The following ERC2 variants were observed in gnomAD, a reference collection of about 807,000 sequenced individuals.
The protein encoded by ERC2 is ELKS/RAB6-interacting/CAST family member 2.
In ERC2, 42 loss-of-function variants were observed where a neutral mutation model predicts 114.8. That is an observed-to-expected ratio of 0.37 (90% confidence interval 0.29 to 0.47). ERC2 has a LOEUF of 0.47. Among genes scored for constraint, ERC2 ranks in the 20% least tolerant of loss-of-function variants. The pLI, the probability that ERC2 is intolerant of heterozygous loss-of-function variation, is 0.99. For synonymous variants in ERC2, 454 were observed against 425.5 expected, an observed-to-expected ratio of 1.07 and a Z score of -0.82; for missense variants, 939 against 1,150.7, an observed-to-expected ratio of 0.82 and a Z score of 2.66.
chr3:55,809,408 T>C (rs1277316771), intron 14 of ERC2, among the ~76,000 whole-genome samples: 1 of 152,082 alleles, frequency 6.6e-6, no homozygotes, highest in Non-Finnish European at 1.5e-5. Context: ...CTAAAAAGCT[T>C]ATGCATAGCA....
At chr3:55,779,251 G>C (rs1032365425) in intron 14 of ERC2, among the ~76,000 whole-genome samples, 1 of 150,552 alleles carries the variant, frequency 6.6e-6, no homozygotes, top group Non-Finnish European at 1.5e-5. Flanking sequence ...GGAGGCCGAG[G>C]AGGGTGGATC....
chr3:56,309,186 A>G (rs1184407711), intron 2 of ERC2, among the ~76,000 whole-genome samples: 2 of 152,234 alleles, frequency 1.3e-5, no homozygotes, highest in Non-Finnish European at 2.9e-5. Context: ...TTTGGGGTAG[A>G]ATACCCCAAG....
chr3:56,024,039 C>A (rs2073897849), intron 7 of ERC2, among the ~76,000 whole-genome samples: 1 of 152,148 alleles, frequency 6.6e-6, no homozygotes, highest in Non-Finnish European at 1.5e-5. Flanking sequence ...TTCCAAAATT[C>A]ATTCACTAAT....
chr3:56,056,427 C>A (rs148000996), intron 7 of ERC2, among the ~76,000 whole-genome samples: 34 of 152,276 alleles, frequency 2.2e-4, no homozygotes, highest in Admixed American at 3.3e-4. Context: ...GGAAAAGTTA[C>A]AACTCAGTGG....
In ERC2 at chr3:55,778,574, C is replaced by T. The variant is rs926562917; in HGVS notation, c.2565-43656G>A. On this transcript the variant is annotated intron_variant, in intron 14 of 17. Transcript: ENST00000288221. Reference sequence around the variant, plus strand: ...TCTGTGTGGCAAAAAACAGCTACAACAGCAACTCCCTAAATGAGCAAAGCT... The same window carrying T: ...TCTGTGTGGCAAAAAACAGCTACAATAGCAACTCCCTAAATGAGCAAAGCT... 2.0e-5 allele frequency among the ~76,000 whole-genome samples: 3 copies of T among 152,150 alleles called. No homozygotes were observed. In the South Asian group the frequency reaches 6.2e-4, roughly 31 times the overall value.
intron 5 of ERC2, among the ~76,000 whole-genome samples, chr3:56,140,476 G>A (rs2080789394): frequency 6.6e-6 from 1 of 151,986 alleles, no homozygotes; most frequent in African/African-American, 2.4e-5. Flanking sequence ...ATGTCCTGAA[G>A]ATTAAATCAC....
At chr3:55,619,320 G>A (rs1438111039) in intron 17 of ERC2, among the ~76,000 whole-genome samples, 1 of 152,164 alleles carries the variant, frequency 6.6e-6, no homozygotes, top group Non-Finnish European at 1.5e-5. Flanking sequence ...CACTACACAA[G>A]GCAAATGCTA....
At chr3:55,726,933 T>G (rs2064960274) in intron 15 of ERC2, among the ~76,000 whole-genome samples, 1 of 152,226 alleles carries the variant, frequency 6.6e-6, no homozygotes, top group Non-Finnish European at 1.5e-5. Flanking sequence ...TAACTAGTTC[T>G]GAGAAATAAG....
intron 12 of ERC2, among the ~76,000 whole-genome samples, chr3:55,954,636 T>C (rs1235096541): frequency 6.6e-6 from 1 of 152,210 alleles, no homozygotes; most frequent in African/African-American, 2.4e-5. Context: ...TTTTTACCCA[T>C]CTGCTTTCAA....
chr3:56,115,257 C>G (rs1279376747), intron 6 of ERC2, among the ~76,000 whole-genome samples: 2 of 152,176 alleles, frequency 1.3e-5, no homozygotes, highest in African/African-American at 2.4e-5. Context: ...TGGGCAGTTA[C>G]AAACCCAGAA....
chr3:56,215,943 A>C (rs1234214559), intron 3 of ERC2, among the ~76,000 whole-genome samples: 1 of 152,232 alleles, frequency 6.6e-6, no homozygotes, highest in East Asian at 1.9e-4. Context: ...CTTTGAAACC[A>C]ACGAGAACAA....
At chr3:56,284,706 G>A (rs1407348856) in intron 3 of ERC2, among the ~76,000 whole-genome samples, 2 of 152,050 alleles carry the variant, frequency 1.3e-5, no homozygotes, top group Admixed American at 1.3e-4. Flanking sequence ...AAAATGTAAG[G>A]CTTATGTGTC....
In ERC2 at chr3:56,099,972, C is replaced by T. The variant is rs145522035; in HGVS notation, c.1474-18988G>A. ...AAGTCTTTCCAGAGAACCAGCTCTA[C>T]GAGCACTCTTATTGGGGAGAAAAAA... On this transcript the variant is annotated intron_variant, in intron 6 of 17. Coordinates refer to ENST00000288221, the MANE Select transcript of ERC2 (RefSeq NM_015576.3). Among the ~76,000 whole-genome samples, 602 of 151,978 alleles carry T rather than the reference C, an allele frequency of 4.0e-3. 10 individuals are homozygous for T. The highest frequency in any genetic ancestry group is 0.014 in the African/African-American group (574 of 41,430).
intron 13 of ERC2, among the ~76,000 whole-genome samples, chr3:55,922,034 T>C (rs192812447): frequency 5.9e-4 from 90 of 152,138 alleles, no homozygotes; most frequent in Non-Finnish European, 1.1e-3. Flanking sequence ...AATGTATTCA[T>C]TCAGAAGTCT....
At chr3:55,555,510 G>A (rs977087201) in intron 17 of ERC2, among the ~76,000 whole-genome samples, 1 of 152,204 alleles carries the variant, frequency 6.6e-6, no homozygotes, top group African/African-American at 2.4e-5. Flanking sequence ...GTTAGGGGGA[G>A]GGTCACAGAC....
chr3:55,586,234 C>T lies in ERC2; in HGVS notation c.*40-74958G>A, dbSNP rs1247499839. Among the ~76,000 whole-genome samples the T allele has an allele frequency of 1.3e-5, 2 of 152,176 alleles. 1 individual carries two copies. Among genetic ancestry groups the T allele is most frequent in the Non-Finnish European group, 2.9e-5 (2 of 68,032 alleles). ...TATTTTCCCAAAGAGAGGTGGCCCT[C>T]GGACTGTGAGTCTTTGCCTTCACTT... On this transcript the variant is annotated intron_variant, in intron 17 of 17. Transcript: ENST00000288221.
intron 3 of ERC2, among the ~76,000 whole-genome samples, chr3:56,206,101 T>C (rs2048710372): frequency 6.6e-6 from 1 of 152,154 alleles, no homozygotes; most frequent in Non-Finnish European, 1.5e-5. Context: ...CCTGTCCTTA[T>C]AAAACTAACT....
intron 1 of ERC2, chr3:56,467,201 T>C (rs1235626651): frequency 6.6e-6 from 1 of 152,242 alleles, no homozygotes; most frequent in Non-Finnish European, 1.5e-5. Flanking sequence ...AAACTAACCA[T>C]GACAAGTGGG....
chr3:55,580,346 G>T (rs1030030901), intron 17 of ERC2, among the ~76,000 whole-genome samples: 2 of 152,060 alleles, frequency 1.3e-5, no homozygotes, highest in African/African-American at 4.8e-5. Context: ...AATCTTGAGG[G>T]CAAGAAACCT....
Sources: gnomAD v4.1 joint callset for allele counts (sites outside exome capture counted in the v4.1 genomes callset) on GRCh38, gnomAD v4.1.1 for gene constraint, MANE v1.5 for transcripts, NCBI Gene and HGNC (gene_info 2026-07-23, HGNC 2026-07-21) for gene names.